GLIS3: variants seen among roughly 807,000 people sequenced by gnomAD.
The protein encoded by GLIS3 is GLIS family zinc finger 3.
Under a neutral mutation model 78.6 loss-of-function variants are expected in GLIS3, and 53 were observed. The ratio of observed to expected loss-of-function variants is 0.67; its 90% CI spans 0.54 to 0.85. The LOEUF (loss-of-function observed/expected upper bound fraction) is 0.85, where lower values mean the gene tolerates loss of function less well. Among genes scored for constraint, GLIS3 ranks in the 40% least tolerant of loss-of-function variants. GLIS3 has a pLI of 0.00. For synonymous variants in GLIS3, 684 were observed against 509.9 expected (o/e 1.34, Z -4.60); for missense variants, 1,703 against 1,231.1 (o/e 1.38, Z -5.74).
intron 3 of GLIS3, chr9:4,123,597 A>G (rs1031946642): frequency 2.8e-6 from 1 of 361,206 alleles, no homozygotes; most frequent in Non-Finnish European, 4.9e-6. Context: ...GACAGGAAGA[A>G]GCCATTATAT....
At chr9:4,166,841 G>A (rs542411515) in intron 2 of GLIS3, among the ~76,000 whole-genome samples, 1 of 152,334 alleles carries the variant, frequency 6.6e-6, no homozygotes, top group South Asian at 2.1e-4. Context: ...GTAAGATGTA[G>A]AGACAGCCAA....
chr9:4,017,737 C>T (rs748051548), intron 4 of GLIS3, among the ~76,000 whole-genome samples: 1 of 152,118 alleles, frequency 6.6e-6, no homozygotes, highest in Non-Finnish European at 1.5e-5. Flanking sequence ...CAAGAATGTG[C>T]AGGGGATATA....
At chr9:3,952,485 A>G (rs1430967581) in intron 4 of GLIS3, among the ~76,000 whole-genome samples, 4 of 152,192 alleles carry the variant, frequency 2.6e-5, no homozygotes, top group Non-Finnish European at 5.9e-5. Flanking sequence ...GACATTAAGT[A>G]CAAATTTCAG....
At chr9:4,440,003 G>C in the GLIS3 span, among the ~76,000 whole-genome samples, 1 of 152,162 alleles carries the variant, frequency 6.6e-6, no homozygotes, top group African/African-American at 2.4e-5. Flanking sequence ...CTTTTGAGAA[G>C]TGTCTATTCA....
chr9:4,326,705 A>T (rs1817605191), intron 2 of GLIS3, among the ~76,000 whole-genome samples: 1 of 152,214 alleles, frequency 6.6e-6, no homozygotes, highest in African/African-American at 2.4e-5. Flanking sequence ...TATGTTTTAT[A>T]TATTTTATCA....
rs1823080301 is a variant in GLIS3 at position 3,898,950 on chromosome 9, G to A, written c.1984-115C>T. The A allele has an allele frequency of 2.3e-6, 3 of 1,286,328 alleles. No homozygotes were observed. In the African/African-American group the frequency reaches 4.4e-5, roughly 19 times the overall value. The allele number at this position is 1,286,328 out of a possible 1,614,324, so 79.7% of individuals were successfully genotyped here. A position where few individuals can be genotyped will look rare whatever the true frequency, so the allele number is the denominator to read the frequency against. On this transcript the variant is annotated intron_variant, in intron 6 of 10. Transcript: ENST00000381971. ...TCAGCCCACAAAAATTTATCAAGCA[G>A]CAACTACGGGTAAGGCACAGAGCTT...
intron 4 of GLIS3, among the ~76,000 whole-genome samples, chr9:4,059,199 C>T (rs533352063): frequency 9.9e-5 from 15 of 152,246 alleles, no homozygotes; most frequent in Admixed American, 2.0e-4. Context: ...TGAGCACAGA[C>T]GAGATTTCAG....
intron 4 of GLIS3, among the ~76,000 whole-genome samples, chr9:4,054,667 C>T (rs1007848149): frequency 2.6e-5 from 4 of 151,404 alleles, no homozygotes; most frequent in East Asian, 1.9e-4. Flanking sequence ...TAAAACTGTG[C>T]TGTTTCTCAA....
chr9:4,329,817 G>A (rs1817658153), intron 2 of GLIS3, among the ~76,000 whole-genome samples: 1 of 152,174 alleles, frequency 6.6e-6, no homozygotes, highest in Non-Finnish European at 1.5e-5. Context: ...TTCAAGTGAT[G>A]AGGCCTACTT....
At chr9:3,869,937 G>A (rs762282179) in intron 8 of GLIS3, among the ~76,000 whole-genome samples, 6 of 152,144 alleles carry the variant, frequency 3.9e-5, no homozygotes, top group African/African-American at 4.8e-5. Context: ...TTCCTGCATC[G>A]AGAACTAAAC....
the GLIS3 span, among the ~76,000 whole-genome samples, chr9:4,372,555 A>T: frequency 2.1e-3 from 9 of 4,246 alleles, no homozygotes; most frequent in African/African-American, 5.1e-3. Context: ...ACCCTCCAAT[A>T]AAAAAAAAAA....
intron 4 of GLIS3, among the ~76,000 whole-genome samples, chr9:3,957,218 T>C (rs187915458): frequency 1.1e-3 from 168 of 152,336 alleles, no homozygotes; most frequent in African/African-American, 4.0e-3. Context: ...TGTGGAGCCC[T>C]TTCCCGAGAG....
At chr9:4,077,657 C>T (rs770449544) in intron 4 of GLIS3, among the ~76,000 whole-genome samples, 1 of 152,120 alleles carries the variant, frequency 6.6e-6, no homozygotes, top group Non-Finnish European at 1.5e-5. Context: ...TCTCCTTTGC[C>T]AGGGTAGTCC....
chr9:4,215,903 G>C (rs1034637690), intron 2 of GLIS3, among the ~76,000 whole-genome samples: 2 of 152,118 alleles, frequency 1.3e-5, no homozygotes, highest in African/African-American at 2.4e-5. Context: ...AAGCAATATA[G>C]GGAAAGACAT....
intron 4 of GLIS3, among the ~76,000 whole-genome samples, chr9:4,060,244 T>C (rs1350216817): frequency 6.6e-6 from 1 of 152,222 alleles, no homozygotes; most frequent in Non-Finnish European, 1.5e-5. Flanking sequence ...GCCTATTTAA[T>C]GGACTAAACC....
intron 9 of GLIS3, among the ~76,000 whole-genome samples, chr9:3,846,262 T>G (rs1168347296): frequency 6.6e-6 from 1 of 152,136 alleles, no homozygotes; most frequent in Non-Finnish European, 1.5e-5. Flanking sequence ...TAATACTGTA[T>G]CAGTAGGCAC....
Position 4,319,533 on chromosome 9 carries a change from ACTTT to A in GLIS3, n.265-9009_265-9006del, listed in dbSNP as rs1817490209. On this transcript the variant is annotated intron_variant and non_coding_transcript_variant, in intron 2 of 4. Coordinates refer to the GLIS3 transcript ENST00000471664. Reference sequence around the variant, plus strand: ...GTTTTGGTAAAATCCAAATACTAACACTTTTTTTTTTCTAGAAACAGGTTCTTCC... The same window carrying A: ...GTTTTGGTAAAATCCAAATACTAACATTTTTTTCTAGAAACAGGTTCTTCC... Among the ~76,000 whole-genome samples the A allele has an allele frequency of 2.3e-5, 3 of 129,972 alleles. No individual in the cohort carries two copies. In the South Asian group the frequency reaches 8.0e-4, roughly 35 times the overall value. 85.3% of individuals were successfully genotyped at this position (129,972 alleles called of 152,430 possible).
intron 2 of GLIS3, among the ~76,000 whole-genome samples, chr9:4,146,751 T>C (rs2131015733): frequency 6.6e-6 from 1 of 152,320 alleles, no homozygotes; most frequent in African/African-American, 2.4e-5. Context: ...ATATGCAATT[T>C]ATGTCTTTAA....
At chr9:4,406,452 C>T in the GLIS3 span, among the ~76,000 whole-genome samples, 21 of 152,196 alleles carry the variant, frequency 1.4e-4, no homozygotes, top group African/African-American at 4.8e-4. Context: ...TTCCAAGTAG[C>T]TGGGTTTACA....
Sources: allele counts gnomAD v4.1 joint callset (sites outside exome capture counted in the v4.1 genomes callset), GRCh38; gene constraint gnomAD v4.1.1; transcripts MANE v1.5; gene names NCBI Gene and HGNC (gene_info 2026-07-23, HGNC 2026-07-21).